UNC5D: variants seen among roughly 807,000 people sequenced by gnomAD.
UNC5D encodes the protein unc-5 netrin receptor D, also known as netrin receptor UNC5D.
Under a neutral mutation model 105.4 loss-of-function variants are expected in UNC5D, and 39 were observed. The observed-to-expected ratio is 0.37, with a 90% CI of 0.29 to 0.48. The LOEUF is 0.48. Ranked by LOEUF, UNC5D falls within the 20% of genes least tolerant of loss-of-function variation. UNC5D has a pLI of 0.98. For missense variants in UNC5D, 991 were observed against 1,202.4 expected, an observed-to-expected ratio of 0.82 and a Z score of 2.60; for synonymous variants, 452 against 450.4, an observed-to-expected ratio of 1.00 and a Z score of -0.04.
chr8:35,355,739 TGG>T (rs1801515245), intron 1 of UNC5D, among the ~76,000 whole-genome samples: 7 of 152,112 alleles, frequency 4.6e-5, no homozygotes, highest in African/African-American at 1.7e-4. Context: ...GTCATAAGGA[TGG>T]AACCCTCATG....
intron 1 of UNC5D, among the ~76,000 whole-genome samples, chr8:35,387,208 C>G (rs1436824205): frequency 6.6e-6 from 1 of 151,666 alleles, no homozygotes; most frequent in Non-Finnish European, 1.5e-5. Flanking sequence ...AAAAATACAA[C>G]AAAAATTAGC....
At chr8:35,515,477 G>C (rs1435620787) in intron 1 of UNC5D, among the ~76,000 whole-genome samples, 2 of 152,180 alleles carry the variant, frequency 1.3e-5, no homozygotes, top group Non-Finnish European at 1.5e-5. Flanking sequence ...TTGAGGTCAG[G>C]AGTTCGAGAC....
intron 1 of UNC5D, among the ~76,000 whole-genome samples, chr8:35,503,958 T>G (rs1812141802): frequency 6.6e-6 from 1 of 152,246 alleles, no homozygotes; most frequent in South Asian, 2.1e-4. Context: ...GAAACAATCC[T>G]ATAAAGCAGA....
intron 4 of UNC5D, among the ~76,000 whole-genome samples, chr8:35,614,557 T>TA (rs888586377): frequency 2.0e-5 from 3 of 151,532 alleles, no homozygotes; most frequent in Non-Finnish European, 4.4e-5. Flanking sequence ...AGAAAACTAA[T>TA]ACACTCTAAA....
chr8:35,586,186 A>G (rs1039003364), intron 3 of UNC5D, among the ~76,000 whole-genome samples: 2 of 152,080 alleles, frequency 1.3e-5, no homozygotes, highest in Non-Finnish European at 2.9e-5. Flanking sequence ...AGACAAGACA[A>G]TCACTTGAAC....
intron 1 of UNC5D, among the ~76,000 whole-genome samples, chr8:35,362,798 G>C (rs1178230453): frequency 6.6e-6 from 1 of 152,132 alleles, no homozygotes; most frequent in African/African-American, 2.4e-5. Context: ...TTTGTTGGCT[G>C]TAAGTTCTTC....
At chr8:35,278,577 A>C (rs1458010650) in intron 1 of UNC5D, among the ~76,000 whole-genome samples, 5 of 128,594 alleles carry the variant, frequency 3.9e-5, no homozygotes, top group Non-Finnish European at 9.1e-5. Flanking sequence ...TAGGGATGTA[A>C]ATTTATTTAT....
intron 1 of UNC5D, among the ~76,000 whole-genome samples, chr8:35,462,973 C>T (rs147108471): frequency 6.6e-6 from 1 of 152,328 alleles, no homozygotes; most frequent in Non-Finnish European, 1.5e-5. Flanking sequence ...TTTCTTAAGA[C>T]ATGGGATCTT....
intron 1 of UNC5D, among the ~76,000 whole-genome samples, chr8:35,374,598 A>T (rs1252673399): frequency 6.6e-6 from 1 of 152,192 alleles, no homozygotes; most frequent in Non-Finnish European, 1.5e-5. Flanking sequence ...CATGTCAGGC[A>T]TCAGTGAGCT....
At chr8:35,257,119 G>A (rs958375800) in intron 1 of UNC5D, among the ~76,000 whole-genome samples, 11 of 151,714 alleles carry the variant, frequency 7.3e-5, no homozygotes, top group African/African-American at 2.4e-4. Flanking sequence ...TTACAGGCAC[G>A]CACCACCACG....
intron 7 of UNC5D, among the ~76,000 whole-genome samples, chr8:35,701,042 T>C (rs1281307325): frequency 6.6e-6 from 1 of 152,166 alleles, no homozygotes; most frequent in African/African-American, 2.4e-5. Context: ...GCATATGATT[T>C]ATGACAAACA....
At chr8:35,265,666 C>G (rs760341509) in intron 1 of UNC5D, among the ~76,000 whole-genome samples, 1 of 151,962 alleles carries the variant, frequency 6.6e-6, no homozygotes, top group Non-Finnish European at 1.5e-5. Context: ...GTCAGGAGAT[C>G]GAGACCGTCC....
At chr8:35,316,167 T>C (rs2128881698) in intron 1 of UNC5D, among the ~76,000 whole-genome samples, 1 of 152,278 alleles carries the variant, frequency 6.6e-6, no homozygotes, top group South Asian at 2.1e-4. Flanking sequence ...TTTATTTAAA[T>C]TAAGGAAATA....
At chr8:35,594,068 G>A (rs1819343847) in intron 3 of UNC5D, among the ~76,000 whole-genome samples, 1 of 152,184 alleles carries the variant, frequency 6.6e-6, no homozygotes, top group Non-Finnish European at 1.5e-5. Flanking sequence ...GGCAATTTAC[G>A]GTTCCCGGAT....
intron 2 of UNC5D, among the ~76,000 whole-genome samples, chr8:35,561,237 A>G (rs1816937097): frequency 6.6e-6 from 1 of 152,158 alleles, no homozygotes; most frequent in African/African-American, 2.4e-5. Flanking sequence ...CCCTAACCCC[A>G]GGACTAGGTA....
intron 12 of UNC5D, 41 bp from the exon 13 acceptor site, chr8:35,750,541 C>G: frequency 6.3e-7 from 1 of 1,590,760 alleles, no homozygotes; most frequent in Non-Finnish European, 8.6e-7. Context: ...TAGATCACAT[C>G]TTATTTCCAA....
At chr8:35,549,244 T>C (rs1815922683) in intron 1 of UNC5D, 48 bp from the exon 2 acceptor site, 1 of 1,581,704 alleles carries the variant, frequency 6.3e-7, no homozygotes, top group Non-Finnish European at 8.7e-7. Context: ...TCCTGGTGTA[T>C]GTGCTATCAA....
At chr8:35,687,268 C>G (rs763215334) in intron 7 of UNC5D, among the ~76,000 whole-genome samples, 1 of 151,938 alleles carries the variant, frequency 6.6e-6, no homozygotes, top group Non-Finnish European at 1.5e-5. Context: ...AAGGTGAAAC[C>G]CTGTCTCTAC....
At chr8:35,690,867 A>G (rs960399692) in intron 7 of UNC5D, among the ~76,000 whole-genome samples, 15 of 152,114 alleles carry the variant, frequency 9.9e-5, no homozygotes, top group Non-Finnish European at 1.0e-4. Flanking sequence ...CAATTTGGGA[A>G]TTTTCTTCAT....
Sources: allele counts gnomAD v4.1 joint callset (sites outside exome capture counted in the v4.1 genomes callset), GRCh38; gene constraint gnomAD v4.1.1; transcripts MANE v1.5; gene names NCBI Gene and HGNC (gene_info 2026-07-23, HGNC 2026-07-21).